The following RABEP1 variants were observed in gnomAD, a reference collection of about 807,000 sequenced individuals.
RABEP1 encodes rab GTPase-binding effector protein 1.
In RABEP1, 51 loss-of-function variants were observed where a neutral mutation model predicts 123.4. The observed-to-expected ratio is 0.41, with a 90% CI of 0.33 to 0.52. RABEP1 has a LOEUF of 0.52. RABEP1 is among the 20% of genes least tolerant of loss of function. RABEP1 has a pLI of 0.16. For missense variants in RABEP1, 888 were observed against 996.3 expected, an observed-to-expected ratio of 0.89 and a Z score of 1.46; for synonymous variants, 347 against 355.2, an observed-to-expected ratio of 0.98 and a Z score of 0.26.
At chr17:5,344,419 CAG>C in intron 5 of RABEP1, among the ~76,000 whole-genome samples, 1 of 150,006 alleles carries the variant, frequency 6.7e-6, no homozygotes. Context: ...GCCAGAGCAA[CAG>C]AGTGAGACTC....
chr17:5,305,319 A>G (rs572256714), intron 1 of RABEP1, among the ~76,000 whole-genome samples: 1 of 152,188 alleles, frequency 6.6e-6, no homozygotes, highest in African/African-American at 2.4e-5. Flanking sequence ...CTCTCAAAAG[A>G]TCATGATTTC....
Position 5,352,159 on chromosome 17 carries a change from G to A in RABEP1, c.963+1530G>A, listed in dbSNP as rs150109366. ...TTTGTCTCTTAATTTGGACTCATTC[G>A]TCTTGTGTGTAGTCAAAGCCAACAT... On this transcript the variant is annotated intron_variant, in intron 7 of 17. Coordinates refer to ENST00000537505, the MANE Select transcript of RABEP1 (RefSeq NM_004703.6). Among the ~76,000 whole-genome samples the A allele has an allele frequency of 9.8e-3, 1,470 of 150,176 alleles. 78 individuals are homozygous for A. Among genetic ancestry groups the A allele is most frequent in the Admixed American group, 0.083 (1,258 of 15,098 alleles).
At chr17:5,337,615 C>T (rs1299823515) in intron 4 of RABEP1, among the ~76,000 whole-genome samples, 1 of 152,106 alleles carries the variant, frequency 6.6e-6, no homozygotes, top group Non-Finnish European at 1.5e-5. Context: ...ATGGTGTGAA[C>T]CTGGGAGGTG....
Position 5,323,705 on chromosome 17 carries a change from T to TATATATATATATCTAGGA in RABEP1, c.164-8195_164-8178dup, listed in dbSNP as rs869071579. On this transcript the variant is annotated intron_variant, in intron 2 of 17. Coordinates refer to ENST00000537505, the MANE Select transcript of RABEP1 (RefSeq NM_004703.6). ...ATATATATATATCTCTCTCTAGGAATATATATATATATCTAGGAATATATA... is the reference window on the plus strand; with the variant it reads ...ATATATATATATCTCTCTCTAGGAATATATATATATATCTAGGAATATATATATATCTAGGAATATATA... Among the ~76,000 whole-genome samples the TATATATATATATCTAGGA allele has an allele frequency of 5.2e-4, 68 of 129,872 alleles. 4 individuals carry two copies. The highest frequency in any genetic ancestry group is 1.7e-3 in the African/African-American group (54 of 31,194). The allele number at this position is 129,872 out of a possible 152,430, so 85.2% of individuals were successfully genotyped here. A position where few individuals can be genotyped will look rare whatever the true frequency, so the allele number is the denominator to read the frequency against.
intron 1 of RABEP1, among the ~76,000 whole-genome samples, chr17:5,298,748 C>T (rs535909582): frequency 1.6e-4 from 24 of 151,744 alleles, no homozygotes; most frequent in African/African-American, 5.1e-4. Context: ...CTCCGCCTCC[C>T]GGGTTCATGC....
At chr17:5,382,941 C>A (rs1911615132) in intron 17 of RABEP1, among the ~76,000 whole-genome samples, 181 bp from the exon 18 acceptor site, 1 of 149,614 alleles carries the variant, frequency 6.7e-6, no homozygotes, top group Non-Finnish European at 1.5e-5. Context: ...AAAAAAAAAT[C>A]CCAGTCCGTT....
intron 2 of RABEP1, among the ~76,000 whole-genome samples, chr17:5,322,302 G>A (rs1905447629): frequency 6.6e-6 from 1 of 152,132 alleles, no homozygotes; most frequent in African/African-American, 2.4e-5. Context: ...AGGTTGCAGT[G>A]AGCTATGATT....
At chr17:5,368,492 G>C (rs1381204109) in intron 12 of RABEP1, 24 bp downstream of exon 12, 1 of 1,506,456 alleles carries the variant, frequency 6.6e-7, no homozygotes, top group South Asian at 1.1e-5. Context: ...TTAAGTAAAT[G>C]ACAACTATGT....
At chr17:5,343,498 T>C (rs1907791364) in intron 5 of RABEP1, among the ~76,000 whole-genome samples, 1 of 152,052 alleles carries the variant, frequency 6.6e-6, no homozygotes, top group Non-Finnish European at 1.5e-5. Flanking sequence ...AGGTGGAAGT[T>C]GCAGTGAGCT....
chr17:5,307,522 A>C (rs1488955032), intron 1 of RABEP1, among the ~76,000 whole-genome samples: 4 of 152,220 alleles, frequency 2.6e-5, no homozygotes, highest in Non-Finnish European at 5.9e-5. Context: ...AGTGACTTGC[A>C]GTAGGAAACT....
At chr17:5,284,568 G>C (rs2074959349) in intron 1 of RABEP1, among the ~76,000 whole-genome samples, 1 of 151,734 alleles carries the variant, frequency 6.6e-6, no homozygotes. Context: ...TGGGGTCAAA[G>C]CAATCCTGCT....
intron 5 of RABEP1, among the ~76,000 whole-genome samples, chr17:5,344,771 CAAAA>C (rs1177790100): frequency 6.4e-5 from 3 of 46,938 alleles, no homozygotes; most frequent in South Asian, 1.1e-3. Flanking sequence ...GACACTGTCT[CAAAA>C]AAAAAAAAAA....
chr17:5,291,772 G>T (rs1396499744), intron 1 of RABEP1, among the ~76,000 whole-genome samples: 1 of 152,124 alleles, frequency 6.6e-6, no homozygotes, highest in Non-Finnish European at 1.5e-5. Flanking sequence ...GCCTGATGGT[G>T]TGCGCCTGTA....
chr17:5,361,206 A>G lies in RABEP1; in HGVS notation c.1096-2A>G. ...TTGGCCATATGTATTTTCACATTTC[A>G]GGAGCATTTAGACAGCACCCGTGGC... is the stretch of plus-strand genomic sequence containing the variant. On this transcript the variant is annotated splice_acceptor_variant, in intron 8 of 17. Coordinates refer to ENST00000537505, the MANE Select transcript of RABEP1 (RefSeq NM_004703.6). LOFTEE classifies it high-confidence loss of function. The G allele has an allele frequency of 1.2e-6, 2 of 1,607,618 alleles. No homozygotes were observed. Among genetic ancestry groups the G allele is most frequent in the Non-Finnish European group, 1.7e-6 (2 of 1,176,286 alleles).
intron 5 of RABEP1, among the ~76,000 whole-genome samples, chr17:5,342,218 AAAAAAAAAG>A (rs1431782643): frequency 2.0e-5 from 3 of 151,150 alleles, no homozygotes; most frequent in Non-Finnish European, 1.5e-5. Context: ...TCACAAGAGT[AAAAAAAAAG>A]AAAAAAAAGA....
At position 5,295,638 on chromosome 17, in the gene RABEP1, T is replaced by G. The variant is rs146531796; in HGVS notation, c.35-13056T>G. On this transcript the variant is annotated intron_variant, in intron 1 of 17. Coordinates refer to ENST00000537505, the MANE Select transcript of RABEP1 (RefSeq NM_004703.6). The stretch of plus-strand genomic sequence containing the variant: ...TGATACTTTTGATACATTTAAGTTT[T>G]TATATGTTCTTTTGTGTCATTAGGA... 1.2e-4 allele frequency among the ~76,000 whole-genome samples: 19 copies of G among 152,296 alleles called. No individual in the cohort carries two copies. The East Asian group carries it at 3.7e-3, about 29-fold the overall frequency.
intron 1 of RABEP1, among the ~76,000 whole-genome samples, chr17:5,283,704 A>G (rs923753705): frequency 3.3e-5 from 5 of 151,930 alleles, no homozygotes; most frequent in African/African-American, 1.2e-4. Flanking sequence ...CTTACTTTTT[A>G]TTTTTGCCTT....
intron 1 of RABEP1, among the ~76,000 whole-genome samples, chr17:5,292,354 T>A (rs953557321): frequency 1.3e-5 from 2 of 152,152 alleles, no homozygotes; most frequent in Non-Finnish European, 2.9e-5. Flanking sequence ...CATTGCCTCA[T>A]GATGTCCTTT....
chr17:5,339,527 G>A (rs2144619464), intron 5 of RABEP1, among the ~76,000 whole-genome samples: 1 of 152,044 alleles, frequency 6.6e-6, no homozygotes, highest in Non-Finnish European at 1.5e-5. Flanking sequence ...CCTGGGCGCG[G>A]TGGCTCATGC....
Sources: gnomAD v4.1 joint callset for allele counts (sites outside exome capture counted in the v4.1 genomes callset) on GRCh38, gnomAD v4.1.1 for gene constraint, MANE v1.5 for transcripts, NCBI Gene and HGNC (gene_info 2026-07-23, HGNC 2026-07-21) for gene names.